Variants in IQSEC1 observed in about 807,000 individuals in gnomAD.
IQSEC1 encodes the protein IQ motif and Sec7 domain ArfGEF 1, also known as IQ motif and SEC7 domain-containing protein 1.
In IQSEC1, 31 loss-of-function variants were observed where a neutral mutation model predicts 91.0. The observed-to-expected ratio is 0.34, with a 90% CI of 0.26 to 0.46. The LOEUF is 0.46. Ranked by LOEUF, IQSEC1 falls within the 20% of genes least tolerant of loss-of-function variation. The pLI is 1.00. For synonymous variants in IQSEC1, 699 were observed against 662.6 expected (o/e 1.05, Z -0.84); for missense variants, 1,388 against 1,575.6 (o/e 0.88, Z 2.02).
rs538662873 is a variant in IQSEC1, at chr3:13,264,169, C to T, written c.272+18542G>A. On this transcript the variant is annotated intron_variant, in intron 1 of 15. Transcript: ENST00000648114. ...AGTCCCCTTCCCTGGAGTGGCTGCT[C>T]CACCAAGCACAGGCTCCTGTGTTCT... 9.2e-5 allele frequency among the ~76,000 whole-genome samples: 14 copies of T among 152,332 alleles called. No homozygotes were observed. In the East Asian group the frequency reaches 2.5e-3, roughly 27 times the overall value.
intron 2 of IQSEC1, among the ~76,000 whole-genome samples, chr3:13,138,298 T>C (rs1576267437): frequency 7.0e-6 from 1 of 142,958 alleles, no homozygotes; most frequent in East Asian, 2.1e-4. Context: ...GAGTGGAGAG[T>C]CCCTCCACTT....
At chr3:13,023,485 C>A (rs1167093627) in intron 1 of IQSEC1, among the ~76,000 whole-genome samples, 3 of 152,174 alleles carry the variant, frequency 2.0e-5, no homozygotes, top group Non-Finnish European at 2.9e-5. Context: ...ACCTGGCACC[C>A]AGCAGGGCCC....
At chr3:13,090,869 G>A (rs1388312792) in intron 2 of IQSEC1, among the ~76,000 whole-genome samples, 3 of 152,196 alleles carry the variant, frequency 2.0e-5, no homozygotes, top group African/African-American at 7.2e-5. Context: ...GGCACAGACA[G>A]GCTGAGAATG....
chr3:13,275,415 A>C (rs1695660038), intron 1 of IQSEC1, among the ~76,000 whole-genome samples: 1 of 152,170 alleles, frequency 6.6e-6, no homozygotes, highest in African/African-American at 2.4e-5. Flanking sequence ...GGTTCTAAGA[A>C]AGGCAAGTGC....
At chr3:13,117,413 C>T (rs990272226) in intron 2 of IQSEC1, among the ~76,000 whole-genome samples, 3 of 150,862 alleles carry the variant, frequency 2.0e-5, no homozygotes, top group African/African-American at 7.3e-5. Context: ...GGTGAAACCC[C>T]GTCTCTACTA....
intron 1 of IQSEC1, among the ~76,000 whole-genome samples, chr3:13,007,564 G>A (rs1049632798): frequency 6.6e-6 from 1 of 152,234 alleles, no homozygotes; most frequent in African/African-American, 2.4e-5. Flanking sequence ...TTCCCCCCCT[G>A]CAAGATAGGG....
chr3:13,087,831 G>A (rs749767545), intron 2 of IQSEC1, among the ~76,000 whole-genome samples: 10 of 152,184 alleles, frequency 6.6e-5, no homozygotes, highest in Non-Finnish European at 1.0e-4. Context: ...CGTGGCAGAA[G>A]GTGGAAGGGC....
intron 1 of IQSEC1, 96 bp from the exon 2 acceptor site, chr3:12,941,961 GC>G (rs1559653677): frequency 8.6e-7 from 1 of 1,166,164 alleles, no homozygotes. Context: ...TCCTGGAGGA[GC>G]CCCCATGCCC....
rs777058100 is a variant in IQSEC1 at position 13,270,651 on chromosome 3, A to G, written c.272+12060T>C. Among the ~76,000 whole-genome samples, 13 of 152,288 alleles carry G rather than the reference A, an allele frequency of 8.5e-5. No homozygotes were observed. The East Asian group carries it at 2.5e-3, about 29-fold the overall frequency. On this transcript the variant is annotated intron_variant, in intron 1 of 15. Transcript: ENST00000648114. ...TCATGCTCTGAAAGGTCCCCTATAT[A>G]CTAAAATAAACAAGGGGATTAAAAT...
chr3:12,990,382 T>C (rs1319875752), intron 1 of IQSEC1, among the ~76,000 whole-genome samples: 1 of 152,160 alleles, frequency 6.6e-6, no homozygotes, highest in Non-Finnish European at 1.5e-5. Flanking sequence ...AGAACTTATA[T>C]CCTCCCCTGG....
At chr3:12,914,961 C>T (rs1695932976) in intron 8 of IQSEC1, 143 bp downstream of exon 8, 1 of 784,306 alleles carries the variant, frequency 1.3e-6, no homozygotes, top group African/African-American at 1.7e-5. Context: ...TAATTACGAA[C>T]ATCTGATTCT....
intron 1 of IQSEC1, among the ~76,000 whole-genome samples, chr3:13,054,096 G>A (rs1195017502): frequency 1.3e-5 from 2 of 152,232 alleles, no homozygotes; most frequent in Non-Finnish European, 2.9e-5. Flanking sequence ...AGCTGGTGGA[G>A]CCTGGCAGGC....
intron 1 of IQSEC1, among the ~76,000 whole-genome samples, chr3:13,198,364 C>T (rs1694173633): frequency 6.6e-6 from 1 of 152,128 alleles, no homozygotes; most frequent in South Asian, 2.1e-4. Flanking sequence ...GGCTGTCCCC[C>T]TGGAGGTTCT....
intron 12 of IQSEC1, among the ~76,000 whole-genome samples, chr3:12,907,596 C>T (rs771717816): frequency 1.3e-5 from 2 of 152,236 alleles, no homozygotes; most frequent in Non-Finnish European, 2.9e-5. Context: ...ACCCACCGGT[C>T]GGCCAGTGCC....
At chr3:13,007,305 G>A (rs553396348) in intron 1 of IQSEC1, among the ~76,000 whole-genome samples, 1 of 152,354 alleles carries the variant, frequency 6.6e-6, no homozygotes, top group African/African-American at 2.4e-5. Flanking sequence ...CAGAGCAGGT[G>A]GGGCTGGCTC....
chr3:13,092,152 G>A (rs1705873294), intron 2 of IQSEC1, among the ~76,000 whole-genome samples: 1 of 152,186 alleles, frequency 6.6e-6, no homozygotes, highest in African/African-American at 2.4e-5. Flanking sequence ...CTAGTGAGAT[G>A]CCTGTGCCTA....
At chr3:13,162,945 C>A (rs1707205495) in intron 2 of IQSEC1, among the ~76,000 whole-genome samples, 1 of 152,036 alleles carries the variant, frequency 6.6e-6, no homozygotes, top group South Asian at 2.1e-4. Context: ...CCCAAGTGCA[C>A]CATCCCCAGC....
intron 1 of IQSEC1, among the ~76,000 whole-genome samples, chr3:13,239,464 C>G (rs1694984020): frequency 6.6e-6 from 1 of 152,272 alleles, no homozygotes; most frequent in Non-Finnish European, 1.5e-5. Flanking sequence ...GCCGCGGACA[C>G]AGGAGACAGA....
At chr3:13,033,283 GA>G (rs1703915821) in intron 1 of IQSEC1, among the ~76,000 whole-genome samples, 1 of 152,148 alleles carries the variant, frequency 6.6e-6, no homozygotes, top group Non-Finnish European at 1.5e-5. Flanking sequence ...TCAAGACAGA[GA>G]GGCCCTGTAT....
Sources: gnomAD v4.1 joint callset for allele counts (sites outside exome capture counted in the v4.1 genomes callset) on GRCh38, gnomAD v4.1.1 for gene constraint, MANE v1.5 for transcripts, NCBI Gene and HGNC (gene_info 2026-07-23, HGNC 2026-07-21) for gene names.